Variants in CTNNA3 observed in about 807,000 individuals in gnomAD.
CTNNA3 encodes the protein catenin alpha 3.
A neutral mutation model predicts 95.7 loss-of-function variants in CTNNA3; 76 were observed. The observed-to-expected ratio is 0.79, with a 90% CI of 0.66 to 0.96. The LOEUF (loss-of-function observed/expected upper bound fraction) is 0.96, where lower values mean the gene tolerates loss of function less well. CTNNA3 is among the 40% of genes least tolerant of loss of function. The probability of loss-of-function intolerance (pLI) is 0.00; values close to 1 mark genes in which losing one functional copy is unlikely to be tolerated. For missense variants in CTNNA3, 1,191 were observed against 1,089.8 expected (o/e 1.09, Z -1.31); for synonymous variants, 431 against 374.4 (o/e 1.15, Z -1.74).
At chr10:67,489,525 C>G (rs924265459) in intron 5 of CTNNA3, among the ~76,000 whole-genome samples, 12 of 151,992 alleles carry the variant, frequency 7.9e-5, no homozygotes, top group African/African-American at 2.4e-4. Context: ...TGGAAAGAGA[C>G]CAAGAAAAGC....
Position 67,371,027 on chromosome 10 carries a change from C to T in CTNNA3, c.579+150815G>A, listed in dbSNP as rs1419348549. Among the ~76,000 whole-genome samples the T allele has an allele frequency of 5.0e-4, 75 of 151,106 alleles. 1 individual carries two copies. Among genetic ancestry groups the T allele is most frequent in the African/African-American group, 1.4e-3 (56 of 41,436 alleles). ...GACTACAGGCGCCCGCCGCTACGCC[C>T]GGCTAATTTTTTGTATTTTTAGTAG... On this transcript the variant is annotated intron_variant, in intron 5 of 17. Coordinates refer to ENST00000433211, the MANE Select transcript of CTNNA3 (RefSeq NM_013266.4).
intron 9 of CTNNA3, among the ~76,000 whole-genome samples, chr10:66,716,169 T>A (rs1393891579): frequency 1.3e-5 from 2 of 152,090 alleles, no homozygotes; most frequent in African/African-American, 4.8e-5. Flanking sequence ...ATGATTTATT[T>A]AATAATCCAA....
At chr10:67,714,734 A>G (rs1413762838) in intron 1 of CTNNA3, among the ~76,000 whole-genome samples, 1 of 152,182 alleles carries the variant, frequency 6.6e-6, no homozygotes, top group African/African-American at 2.4e-5. Context: ...CCCCACCCAA[A>G]TCTCATCTTG....
chr10:67,410,385 G>A (rs1845318227), intron 5 of CTNNA3, among the ~76,000 whole-genome samples: 1 of 152,048 alleles, frequency 6.6e-6, no homozygotes, highest in South Asian at 2.1e-4. Context: ...AGAGGATGAG[G>A]AAGAATAGCT....
chr10:66,339,506 A>G (rs1478906598), intron 12 of CTNNA3, among the ~76,000 whole-genome samples: 1 of 151,844 alleles, frequency 6.6e-6, no homozygotes, highest in Non-Finnish European at 1.5e-5. Flanking sequence ...AGAGAAATAA[A>G]CAATTATAAG....
intron 7 of CTNNA3, among the ~76,000 whole-genome samples, chr10:67,015,928 G>A (rs1852628006): frequency 6.6e-6 from 1 of 151,476 alleles, no homozygotes; most frequent in Admixed American, 6.6e-5. Context: ...TTCTATTTGT[G>A]TTGCTTCCAG....
intron 10 of CTNNA3, among the ~76,000 whole-genome samples, chr10:66,531,201 G>A (rs1448828933): frequency 6.6e-6 from 1 of 152,092 alleles, no homozygotes; most frequent in East Asian, 1.9e-4. Flanking sequence ...AATACGTAGG[G>A]TTTGTAGACT....
rs1312631666 is a variant in CTNNA3, at chr10:66,247,146, A to G, written c.1884+33324T>C. Among the ~76,000 whole-genome samples, 6 of 152,154 alleles carry G rather than the reference A, an allele frequency of 3.9e-5. No homozygotes were observed. In the South Asian group the frequency reaches 6.2e-4, roughly 16 times the overall value. On this transcript the variant is annotated intron_variant, in intron 13 of 17. Transcript: ENST00000433211. ...AATGAAAAAAATGTATTAAAAATTG[A>G]AGCATACCTATTAGGCCTAGAAAGT...
At chr10:66,738,492 C>A (rs192421612) in intron 9 of CTNNA3, among the ~76,000 whole-genome samples, 107 of 152,180 alleles carry the variant, frequency 7.0e-4, no homozygotes, top group African/African-American at 2.5e-3. Context: ...TTTTCTGGTT[C>A]TTTATTGAAA....
intron 2 of CTNNA3, among the ~76,000 whole-genome samples, chr10:67,639,374 A>C (rs1471306526): frequency 6.6e-6 from 1 of 152,186 alleles, no homozygotes; most frequent in Non-Finnish European, 1.5e-5. Context: ...ATAGCTTACC[A>C]ACCAAAAAAA....
rs188088246 is a variant in CTNNA3 at position 66,387,548 on chromosome 10, G to C, written c.1532-8196C>G. On this transcript the variant is annotated intron_variant, in intron 11 of 17. Coordinates refer to ENST00000433211, the MANE Select transcript of CTNNA3 (RefSeq NM_013266.4). The stretch of plus-strand genomic sequence containing the variant: ...GGAAGATATTGTGGCGATTCCTCAA[G>C]GATCTAGAACTAGAATTACCATTTG... 1.2e-3 allele frequency among the ~76,000 whole-genome samples: 177 copies of C among 152,206 alleles called. 1 individual carries two copies. The highest frequency in any genetic ancestry group is 4.1e-3 in the African/African-American group (171 of 41,518).
At chr10:66,861,556 G>A (rs1398506027) in intron 7 of CTNNA3, among the ~76,000 whole-genome samples, 2 of 152,126 alleles carry the variant, frequency 1.3e-5, no homozygotes, top group Non-Finnish European at 2.9e-5. Context: ...GAATAAGCAG[G>A]TTGAAAAATG....
intron 10 of CTNNA3, among the ~76,000 whole-genome samples, chr10:66,545,226 C>T (rs61504366): frequency 6.6e-6 from 1 of 151,906 alleles, no homozygotes; most frequent in African/African-American, 2.4e-5. Flanking sequence ...ATAAATTACA[C>T]ACCCTTATAT....
rs778606956 is a variant in CTNNA3, at chr10:65,966,635, C to T, written c.2377G>A (p.Gly793Arg). The T allele has an allele frequency of 3.1e-6, 5 of 1,613,728 alleles. No homozygotes were observed. In the Admixed American group the frequency reaches 6.7e-5, roughly 22 times the overall value. ...ACAGCTGACATGATGAGCTCTCCTC[C>T]CAGGTTCTGGATCTCAGCTTTAACT... is the stretch of plus-strand genomic sequence containing the variant. ...SQVKAEIQNL[G>R]GELIMSALDS... Residue 793 changes from glycine to arginine, a missense_variant, in exon 17 of 18, where the codon GGA (glycine) becomes AGA (arginine). Transcript: ENST00000433211.
intron 14 of CTNNA3, among the ~76,000 whole-genome samples, chr10:66,091,269 C>T (rs1278487154): frequency 6.6e-6 from 1 of 151,804 alleles, no homozygotes; most frequent in Non-Finnish European, 1.5e-5. Context: ...AACATTTTTC[C>T]AAATGCCCAT....
chr10:67,176,433 TAAACA>T (rs1262572175), intron 7 of CTNNA3, among the ~76,000 whole-genome samples: 3 of 152,192 alleles, frequency 2.0e-5, no homozygotes, highest in African/African-American at 7.2e-5. Flanking sequence ...GGGATAAAAC[TAAACA>T]AAACAGACAT....
intron 7 of CTNNA3, among the ~76,000 whole-genome samples, chr10:66,878,117 A>G (rs1313821564): frequency 6.6e-6 from 1 of 152,022 alleles, no homozygotes; most frequent in African/African-American, 2.4e-5. Flanking sequence ...AAGTATCACC[A>G]CTCACCACTT....
rs1483622051 is a variant in CTNNA3, at chr10:67,705,233, A to G, written c.-1-57719T>C. ...AAGACAGTGTGGCGATTCCTCAGGG[A>G]TCTAGAACTACAAATACCATTTGAC... is the stretch of plus-strand genomic sequence containing the variant. On this transcript the variant is annotated intron_variant, in intron 1 of 17. Transcript: ENST00000684154. 7.2e-5 allele frequency among the ~76,000 whole-genome samples: 11 copies of G among 152,240 alleles called. No homozygotes were observed. In the South Asian group the frequency reaches 8.3e-4, roughly 11 times the overall value.
chr10:66,524,665 G>A lies in CTNNA3; in HGVS notation c.1375-3892C>T, dbSNP rs542446584. 2.6e-5 allele frequency among the ~76,000 whole-genome samples: 4 copies of A among 152,232 alleles called. No homozygotes were observed. The South Asian group carries it at 6.2e-4, about 24-fold the overall frequency. On this transcript the variant is annotated intron_variant, in intron 10 of 17. Transcript: ENST00000433211. The stretch of plus-strand genomic sequence containing the variant: ...CCATCTTATAAAATCAGAACCAGAG[G>A]GGGCCAATGGAACTGAGGCTACAAG...
Sources: allele counts gnomAD v4.1 joint callset (sites outside exome capture counted in the v4.1 genomes callset), GRCh38; gene constraint gnomAD v4.1.1; transcripts MANE v1.5; gene names NCBI Gene and HGNC (gene_info 2026-07-23, HGNC 2026-07-21).